IFT74: variants seen among roughly 807,000 people sequenced by gnomAD.
IFT74 encodes the protein intraflagellar transport protein 74 homolog.
IFT74 carries 92 observed loss-of-function variants against 96.7 expected under a neutral mutation model. That is an observed-to-expected ratio of 0.95 (90% CI 0.80 to 1.13). The LOEUF (loss-of-function observed/expected upper bound fraction) is 1.13. Ranked by LOEUF, IFT74 falls within the 50% of genes most tolerant of loss-of-function variation. IFT74 has a pLI of 0.00. For missense variants in IFT74, 811 were observed against 698.2 expected, an observed-to-expected ratio of 1.16 and a Z score of -1.82; for synonymous variants, 223 against 213.2, an observed-to-expected ratio of 1.05 and a Z score of -0.40.
At chr9:27,047,809 A>T (rs1000079198) in intron 15 of IFT74, among the ~76,000 whole-genome samples, 2 of 152,178 alleles carry the variant, frequency 1.3e-5, no homozygotes, top group Non-Finnish European at 2.9e-5. Flanking sequence ...AATTATCAAA[A>T]AATGTTTATT....
At chr9:27,014,012 G>A (rs139296672) in intron 10 of IFT74, among the ~76,000 whole-genome samples, 2,758 of 152,236 alleles carry the variant, frequency 0.018, 35 homozygotes, top group Middle Eastern at 0.027. Flanking sequence ...TCAGGAGATC[G>A]AGACCATCCT....
At chr9:27,019,510 T>G (rs561596934) in intron 12 of IFT74, among the ~76,000 whole-genome samples, 3 of 151,778 alleles carry the variant, frequency 2.0e-5, no homozygotes, top group South Asian at 2.1e-4. Flanking sequence ...GGCTCATAGG[T>G]GAGCCTTGAA....
intron 2 of IFT74, among the ~76,000 whole-genome samples, chr9:26,966,772 CTGTGTTTTCTTT>C (rs1327527768): frequency 6.6e-6 from 1 of 151,926 alleles, no homozygotes; most frequent in African/African-American, 2.4e-5. Context: ...ATAATTTCCC[CTGTGTTTTCTTT>C]TAGTAGTTTC....
intron 8 of IFT74, 36 bp downstream of exon 8, chr9:26,990,231 T>A: frequency 9.3e-7 from 1 of 1,073,092 alleles, no homozygotes; most frequent in Non-Finnish European, 1.3e-6. Context: ...GATTCATAAG[T>A]AAGCTTTATT....
chr9:26,956,609 C>A (rs1268542612), intron 1 of IFT74, 93 bp downstream of exon 1: 1 of 152,370 alleles, frequency 6.6e-6, no homozygotes, highest in Non-Finnish European at 1.5e-5. Flanking sequence ...AAAACAAATT[C>A]AAACTCGGTC....
At chr9:27,042,457 G>A (rs1353651656) in intron 13 of IFT74, among the ~76,000 whole-genome samples, 1 of 152,124 alleles carries the variant, frequency 6.6e-6, no homozygotes, top group Non-Finnish European at 1.5e-5. Flanking sequence ...TGTACCAATA[G>A]TGTCAAATAT....
chr9:27,014,011 C>T (rs147263813), intron 10 of IFT74, among the ~76,000 whole-genome samples: 6,074 of 152,260 alleles, frequency 0.04, 201 homozygotes, highest in South Asian at 0.12. Context: ...GTCAGGAGAT[C>T]GAGACCATCC....
intron 8 of IFT74, chr9:27,005,508 A>G (rs1193151568): frequency 6.6e-6 from 1 of 151,980 alleles, no homozygotes; most frequent in Admixed American, 6.6e-5. Flanking sequence ...CTTAAAGGCA[A>G]AGATGGTTGT....
intron 8 of IFT74, among the ~76,000 whole-genome samples, chr9:26,991,290 C>T (rs563390079): frequency 1.3e-5 from 2 of 152,288 alleles, no homozygotes; most frequent in African/African-American, 2.4e-5. Flanking sequence ...GTGACATGCT[C>T]ATGGCTCACT....
intron 12 of IFT74, among the ~76,000 whole-genome samples, chr9:27,027,489 T>C (rs1054022966): frequency 2.6e-5 from 4 of 152,158 alleles, no homozygotes; most frequent in African/African-American, 9.7e-5. Context: ...TTATTATCTC[T>C]TTTTCTATTA....
At chr9:26,989,532 G>C (rs1440221422) in intron 7 of IFT74, among the ~76,000 whole-genome samples, 1 of 152,036 alleles carries the variant, frequency 6.6e-6, no homozygotes, top group Admixed American at 6.6e-5. Flanking sequence ...GTTCTATGAA[G>C]ACATAGGATT....
chr9:27,042,353 T>G (rs1819519638), intron 13 of IFT74, among the ~76,000 whole-genome samples: 1 of 151,732 alleles, frequency 6.6e-6, no homozygotes, highest in Admixed American at 6.6e-5. Flanking sequence ...GACAGAAAAA[T>G]AATGATCTGA....
chr9:27,030,001 A>G (rs1563987653), intron 13 of IFT74, among the ~76,000 whole-genome samples: 3 of 152,050 alleles, frequency 2.0e-5, no homozygotes, highest in South Asian at 2.1e-4. Flanking sequence ...GGGTTTGACT[A>G]TGTAGAAATA....
chr9:26,981,891 G>A (rs559190787), intron 4 of IFT74, among the ~76,000 whole-genome samples: 4 of 150,864 alleles, frequency 2.7e-5, no homozygotes, highest in East Asian at 2.0e-4. Context: ...CCTCAGCCTC[G>A]TGAGTAGCTG....
chr9:27,057,557 AT>A (rs1820222045), intron 18 of IFT74, among the ~76,000 whole-genome samples: 1 of 152,176 alleles, frequency 6.6e-6, no homozygotes, highest in South Asian at 2.1e-4. Flanking sequence ...CCCTAAATGC[AT>A]TAAAAATTCC....
chr9:26,968,734 G>A (rs1209918874), intron 2 of IFT74, among the ~76,000 whole-genome samples: 2 of 152,040 alleles, frequency 1.3e-5, no homozygotes, highest in Non-Finnish European at 1.5e-5. Flanking sequence ...ATGATCCTTT[G>A]AGTTTCTGTT....
chr9:26,984,112 G>A, intron 4 of IFT74, 145 bp from the exon 5 acceptor site: 1 of 616,858 alleles, frequency 1.6e-6, no homozygotes. Flanking sequence ...AATGAAATAA[G>A]CCACCTAAAC....
chr9:27,004,218 C>G lies in IFT74; in HGVS notation c.588-4802C>G, dbSNP rs552089611. Among the ~76,000 whole-genome samples, 134 of 152,226 alleles carry G rather than the reference C, an allele frequency of 8.8e-4. 1 individual carries two copies. Among genetic ancestry groups the G allele is most frequent in the African/African-American group, 2.9e-3 (121 of 41,540 alleles). ...GTTTTATATTTATTATCTGTATCTGCTATTTAATGCTAATAATTGTTTTCT... is the reference window on the plus strand; with the variant it reads ...GTTTTATATTTATTATCTGTATCTGGTATTTAATGCTAATAATTGTTTTCT... On this transcript the variant is annotated intron_variant, in intron 8 of 19. Coordinates refer to ENST00000380062, the MANE Select transcript of IFT74 (RefSeq NM_025103.4).
At chr9:27,013,941 C>T (rs1829227058) in intron 10 of IFT74, among the ~76,000 whole-genome samples, 1 of 152,164 alleles carries the variant, frequency 6.6e-6, no homozygotes, top group South Asian at 2.1e-4. Context: ...GTTGGCTGGG[C>T]GTGGTGGCTC....
Sources: gnomAD v4.1 joint callset for allele counts (sites outside exome capture counted in the v4.1 genomes callset) on GRCh38, gnomAD v4.1.1 for gene constraint, MANE v1.5 for transcripts, NCBI Gene and HGNC (gene_info 2026-07-23, HGNC 2026-07-21) for gene names.